The following CASK variants were observed in gnomAD, a reference collection of about 807,000 sequenced individuals.
The protein encoded by CASK is peripheral plasma membrane protein CASK.
In CASK, 4 loss-of-function variants were observed where a neutral mutation model predicts 82.9. The ratio of observed to expected loss-of-function variants is 0.05; its 90% CI spans 0.02 to 0.11. The LOEUF (loss-of-function observed/expected upper bound fraction) is 0.11, where lower values mean the gene tolerates loss of function less well. CASK is among the 10% of genes least tolerant of loss of function. The probability of loss-of-function intolerance (pLI) is 1.00; values close to 1 mark genes in which losing one functional copy is unlikely to be tolerated. For missense variants in CASK, 358 were observed against 720.9 expected, an observed-to-expected ratio of 0.50 and a Z score of 5.76; for synonymous variants, 259 against 253.5, an observed-to-expected ratio of 1.02 and a Z score of -0.20.
chrX:41,763,502 A>G (rs2069044498), intron 3 of CASK, among the ~76,000 whole-genome samples: 1 of 110,496 alleles, frequency 9.1e-6, no homozygotes, highest in Non-Finnish European at 1.9e-5. Context: ...TCTCTACAAA[A>G]AAATACAAAA....
In CASK at chrX:41,842,652, C is replaced by T. The variant is rs181452883; in HGVS notation, c.172+10463G>A. ...GTTTTTCAGGATTGTTAAGGCTACT[C>T]GGGGTACCTTGCTTTTCCATGTAAA... On this transcript the variant is annotated intron_variant, in intron 2 of 26. Coordinates refer to ENST00000378163, the MANE Select transcript of CASK (RefSeq NM_001367721.1). 1.2e-3 allele frequency among the ~76,000 whole-genome samples: 137 copies of T among 110,360 alleles called. 2 individuals are homozygous for T. The highest frequency in any genetic ancestry group is 4.4e-3 in the African/African-American group (134 of 30,397).
intron 5 of CASK, among the ~76,000 whole-genome samples, chrX:41,735,744 TC>T (rs2147708209): frequency 9.0e-6 from 1 of 110,595 alleles, no homozygotes; most frequent in African/African-American, 3.3e-5. Context: ...CACTGGCTGT[TC>T]CTTTTAACTG....
At chrX:41,686,937 G>A (rs966494064) in intron 5 of CASK, among the ~76,000 whole-genome samples, 10 of 111,860 alleles carry the variant, frequency 8.9e-5, no homozygotes, top group African/African-American at 3.3e-4. Flanking sequence ...TCGAAAATGA[G>A]CTAAGAACGC....
At chrX:41,686,343 G>A (rs903649724) in intron 5 of CASK, among the ~76,000 whole-genome samples, 7 of 110,323 alleles carry the variant, frequency 6.3e-5, no homozygotes, top group African/African-American at 2.0e-4. Flanking sequence ...TGCCCGCCTC[G>A]GTCTCCCAAC....
chrX:41,801,634 G>T (rs1008401334), intron 2 of CASK, among the ~76,000 whole-genome samples: 3 of 111,612 alleles, frequency 2.7e-5, no homozygotes, highest in African/African-American at 9.8e-5. Context: ...GAAGCACCAG[G>T]TATCTTTGAG....
At chrX:41,818,663 C>T (rs186574505) in intron 2 of CASK, among the ~76,000 whole-genome samples, 5 of 109,886 alleles carry the variant, frequency 4.6e-5, no homozygotes, top group Middle Eastern at 9.4e-3. Context: ...GTGGTATTAC[C>T]CTAAAGACAG....
chrX:41,569,520 T>C (rs1358031882), intron 16 of CASK, 148 bp downstream of exon 16: 3 of 433,223 alleles, frequency 6.9e-6, no homozygotes, highest in South Asian at 4.3e-5. Flanking sequence ...GACGGGAGGA[T>C]TGCTTGCACT....
At chrX:41,822,582 A>G (rs1433055086) in intron 2 of CASK, among the ~76,000 whole-genome samples, 1 of 95,938 alleles carries the variant, frequency 1.0e-5, no homozygotes, top group African/African-American at 3.9e-5. Flanking sequence ...AAAAAAAAAA[A>G]GAAAAAAGAA....
Position 41,555,605 on chromosome X carries a change from G to T in CASK, c.1837C>A (p.Arg613=), listed in dbSNP as rs779508996. The T allele has an allele frequency of 1.7e-6, 2 of 1,199,618 alleles. No individual in the cohort carries two copies. Among genetic ancestry groups the T allele is most frequent in the Non-Finnish European group, 2.3e-6 (2 of 884,660 alleles). The change falls in exon 20 of 27, where the codon CGA becomes AGA. Residue 613 remains arginine (R), a synonymous_variant. Transcript: ENST00000378163. The part of the protein sequence containing the change: ...DLPSTTQPKG[R]QIYVRAQFEY... ...TATAGAGGATATCTATTCACCTGTC[G>T]TCCTTTTGGTTGGGTAGTTGATGGC... is the stretch of plus-strand genomic sequence containing the variant.
At chrX:41,791,300 TC>T (rs1477503002) in intron 2 of CASK, among the ~76,000 whole-genome samples, 4 of 109,928 alleles carry the variant, frequency 3.6e-5, no homozygotes, top group Non-Finnish European at 7.6e-5. Context: ...ATCCCTCACC[TC>T]CCCTCCCACC....
At chrX:41,892,393 C>T (rs758897124) in intron 1 of CASK, among the ~76,000 whole-genome samples, 2 of 109,989 alleles carry the variant, frequency 1.8e-5, no homozygotes, top group Non-Finnish European at 3.8e-5. Flanking sequence ...AGTGCAGTGG[C>T]GTGGTCTTGG....
intron 1 of CASK, among the ~76,000 whole-genome samples, chrX:41,906,856 T>A (rs1276098159): frequency 8.8e-6 from 1 of 113,007 alleles, no homozygotes; most frequent in Non-Finnish European, 1.9e-5. Flanking sequence ...TTCACTGCTA[T>A]AAATAACAAT....
chrX:41,520,675 C>T (rs769381672), intron 26 of CASK, 79 bp from the exon 27 acceptor site: 1 of 876,208 alleles, frequency 1.1e-6, no homozygotes, highest in African/African-American at 2.0e-5. Flanking sequence ...CAGTTGGATT[C>T]GTTCTCTTTT....
rs180986731 is a variant in CASK, at chrX:41,644,625, C to T, written c.832-7964G>A. Among the ~76,000 whole-genome samples, 9 of 112,378 alleles carry T rather than the reference C, an allele frequency of 8.0e-5. No homozygotes were observed. In the East Asian group the frequency reaches 1.7e-3, roughly 21 times the overall value. On this transcript the variant is annotated intron_variant, in intron 8 of 26. Transcript: ENST00000378163. ...AAGGAATACGAGAGATAACCTTAAA[C>T]TCTGACTGCTGGTGAGCCAGGCAGA...
intron 5 of CASK, chrX:41,675,739 C>G (rs755971446): frequency 8.4e-5 from 100 of 1,194,162 alleles, no homozygotes; most frequent in Non-Finnish European, 1.1e-4. Context: ...ATGAGGCACA[C>G]AAAAGTTGGA....
Position 41,909,958 on chromosome X carries a change from A to T in CASK, c.59+12972T>A, listed in dbSNP as rs1310710246. Among the ~76,000 whole-genome samples, 4 of 110,784 alleles carry T rather than the reference A, an allele frequency of 3.6e-5. No individual in the cohort carries two copies. The East Asian group carries it at 1.2e-3, about 34-fold the overall frequency. On this transcript the variant is annotated intron_variant, in intron 1 of 26. Transcript: ENST00000378163. Reference sequence around the variant, plus strand: ...TAGTTTGGGCCAGGCACAGTGGCTCATGCCTGTAATCCCAGCACTTTGGGA... The same window carrying T: ...TAGTTTGGGCCAGGCACAGTGGCTCTTGCCTGTAATCCCAGCACTTTGGGA...
chrX:41,642,166 T>C (rs1307512904), intron 8 of CASK, among the ~76,000 whole-genome samples: 3 of 111,411 alleles, frequency 2.7e-5, no homozygotes, highest in African/African-American at 6.5e-5. Context: ...TTGGGTTGGT[T>C]CCAAGTCTTT....
At chrX:41,525,795 C>G (rs985669703) in intron 25 of CASK, among the ~76,000 whole-genome samples, 65 of 112,184 alleles carry the variant, frequency 5.8e-4, no homozygotes, top group African/African-American at 2.0e-3. Context: ...ATGTAAGAGA[C>G]AAATTTGACA....
intron 10 of CASK, among the ~76,000 whole-genome samples, chrX:41,625,358 G>A (rs1354329706): frequency 9.2e-6 from 1 of 109,021 alleles, no homozygotes; most frequent in East Asian, 2.9e-4. Flanking sequence ...GCTAATTTTT[G>A]TGTATTTCTA....
Sources: gnomAD v4.1 joint callset for allele counts (sites outside exome capture counted in the v4.1 genomes callset) on GRCh38, gnomAD v4.1.1 for gene constraint, MANE v1.5 for transcripts, NCBI Gene and HGNC (gene_info 2026-07-23, HGNC 2026-07-21) for gene names.